SLC35F3: variants seen among roughly 807,000 people sequenced by gnomAD.
SLC35F3 encodes the protein solute carrier family 35 member F3.
Under a neutral mutation model 49.9 loss-of-function variants are expected in SLC35F3, and 25 were observed. The observed-to-expected ratio is 0.50, with a 90% confidence interval of 0.37 to 0.70. The LOEUF (loss-of-function observed/expected upper bound fraction) is 0.70. SLC35F3 is among the 30% of genes least tolerant of loss of function. SLC35F3 has a pLI of 0.00. For missense variants in SLC35F3, 525 were observed against 639.8 expected (o/e 0.82, Z 1.94); for synonymous variants, 275 against 265.4 (o/e 1.04, Z -0.35).
chr1:234,037,033 C>G (rs1411560056), intron 2 of SLC35F3, among the ~76,000 whole-genome samples: 1 of 152,174 alleles, frequency 6.6e-6, no homozygotes, highest in African/African-American at 2.4e-5. Flanking sequence ...AGTAAGCCTA[C>G]TCGATGTTAG....
chr1:233,952,505 A>T (rs1424997658), intron 2 of SLC35F3, among the ~76,000 whole-genome samples: 1 of 152,170 alleles, frequency 6.6e-6, no homozygotes, highest in African/African-American at 2.4e-5. Context: ...GGTTTTTCAT[A>T]GGGCAAAGTC....
intron 2 of SLC35F3, among the ~76,000 whole-genome samples, chr1:234,156,082 GA>G (rs1367200356): frequency 1.3e-5 from 2 of 152,032 alleles, no homozygotes; most frequent in Non-Finnish European, 2.9e-5. Flanking sequence ...TTTAATATAT[GA>G]AAAGGTTTCA....
At chr1:234,304,335 A>G (rs1475961649) in intron 3 of SLC35F3, among the ~76,000 whole-genome samples, 1 of 151,730 alleles carries the variant, frequency 6.6e-6, no homozygotes, top group Admixed American at 6.6e-5. Context: ...TAATTTTTAT[A>G]TTTTTTTAGT....
At chr1:234,101,218 C>T (rs1481516683) in intron 2 of SLC35F3, among the ~76,000 whole-genome samples, 1 of 152,112 alleles carries the variant, frequency 6.6e-6, no homozygotes, top group African/African-American at 2.4e-5. Flanking sequence ...AATGGTTATT[C>T]ATTAAGTATA....
At chr1:234,233,445 G>A (rs928554047) in intron 3 of SLC35F3, among the ~76,000 whole-genome samples, 3 of 152,192 alleles carry the variant, frequency 2.0e-5, no homozygotes, top group Non-Finnish European at 1.5e-5. Context: ...CCCCCAAGTG[G>A]TAACACTGGC....
chr1:234,006,628 T>C (rs1663634891), intron 2 of SLC35F3, among the ~76,000 whole-genome samples: 1 of 152,220 alleles, frequency 6.6e-6, no homozygotes, highest in Non-Finnish European at 1.5e-5. Context: ...AAATAACTTT[T>C]ACCTTGAAGG....
At chr1:234,125,233 C>T (rs544069954) in intron 2 of SLC35F3, among the ~76,000 whole-genome samples, 1 of 152,232 alleles carries the variant, frequency 6.6e-6, no homozygotes, top group East Asian at 1.9e-4. Flanking sequence ...CCAAATTATC[C>T]TGCTTGTATC....
At chr1:234,227,615 G>T (rs1009855907) in intron 2 of SLC35F3, among the ~76,000 whole-genome samples, 13 of 151,978 alleles carry the variant, frequency 8.6e-5, no homozygotes, top group African/African-American at 2.9e-4. Flanking sequence ...AGCCAGGATG[G>T]TCTCGATCTC....
At chr1:233,981,759 G>A (rs1663190303) in intron 2 of SLC35F3, among the ~76,000 whole-genome samples, 1 of 152,106 alleles carries the variant, frequency 6.6e-6, no homozygotes, top group African/African-American at 2.4e-5. Flanking sequence ...TTTCAAAGTG[G>A]TGGTAGTATT....
intron 2 of SLC35F3, among the ~76,000 whole-genome samples, chr1:234,088,798 G>T (rs1664998094): frequency 1.3e-5 from 2 of 151,992 alleles, no homozygotes; most frequent in South Asian, 4.2e-4. Context: ...GTCTCTCTCT[G>T]TCATCCAGAC....
intron 2 of SLC35F3, among the ~76,000 whole-genome samples, chr1:233,996,500 G>C (rs1469768424): frequency 6.6e-6 from 1 of 151,880 alleles, no homozygotes; most frequent in Non-Finnish European, 1.5e-5. Flanking sequence ...TTCAGGTGAG[G>C]AAAAGTGAGC....
intron 3 of SLC35F3, among the ~76,000 whole-genome samples, chr1:234,294,259 C>T (rs1445513477): frequency 6.6e-6 from 1 of 152,168 alleles, no homozygotes; most frequent in Non-Finnish European, 1.5e-5. Context: ...ACAGGTCCCT[C>T]GACAGCGTTG....
At chr1:234,061,225 A>G (rs138411437) in intron 2 of SLC35F3, among the ~76,000 whole-genome samples, 77 of 152,106 alleles carry the variant, frequency 5.1e-4, no homozygotes, top group Admixed American at 2.0e-3. Flanking sequence ...GATTTTTTTA[A>G]TGATACCTTA....
At chr1:234,236,392 A>T (rs1283941448) in intron 3 of SLC35F3, among the ~76,000 whole-genome samples, 12 of 152,136 alleles carry the variant, frequency 7.9e-5, no homozygotes, top group Non-Finnish European at 1.6e-4. Context: ...ATAAGCAGTG[A>T]TCAGACCACT....
intron 2 of SLC35F3, among the ~76,000 whole-genome samples, chr1:234,198,690 A>G (rs929267803): frequency 1.3e-4 from 20 of 152,200 alleles, no homozygotes; most frequent in Non-Finnish European, 2.9e-4. Flanking sequence ...GTTTTGATCT[A>G]TGCATACATT....
chr1:233,906,311 C>T (rs1312458091), intron 2 of SLC35F3, among the ~76,000 whole-genome samples: 2 of 152,126 alleles, frequency 1.3e-5, no homozygotes, highest in Non-Finnish European at 2.9e-5. Context: ...AGGGATCATT[C>T]TAGATAGTGG....
At chr1:234,175,876 C>T (rs773133059) in intron 2 of SLC35F3, among the ~76,000 whole-genome samples, 6 of 152,104 alleles carry the variant, frequency 3.9e-5, no homozygotes, top group East Asian at 1.9e-4. Context: ...GTCCACCATC[C>T]GCACCCCTTG....
chr1:234,277,471 C>T (rs904256468), intron 3 of SLC35F3, among the ~76,000 whole-genome samples: 17 of 152,174 alleles, frequency 1.1e-4, no homozygotes, highest in African/African-American at 3.9e-4. Flanking sequence ...CATCTCAGCA[C>T]GACTCAAAGG....
At chr1:234,138,641 G>A in intron 2 of SLC35F3, among the ~76,000 whole-genome samples, 1 of 152,156 alleles carries the variant, frequency 6.6e-6, no homozygotes, top group East Asian at 1.9e-4. Flanking sequence ...TTGACCTCCT[G>A]TGCACAAATG....
Sources: gnomAD v4.1 joint callset for allele counts (sites outside exome capture counted in the v4.1 genomes callset) on GRCh38, gnomAD v4.1.1 for gene constraint, MANE v1.5 for transcripts, NCBI Gene and HGNC (gene_info 2026-07-23, HGNC 2026-07-21) for gene names.